The following GLIS3 variants were observed in gnomAD, a reference collection of about 807,000 sequenced individuals.
GLIS3 encodes the protein GLIS family zinc finger 3, also known as zinc finger protein GLIS3.
GLIS3 carries 53 observed loss-of-function variants against 78.6 expected under a neutral mutation model. The observed-to-expected ratio is 0.67, with a 90% CI of 0.54 to 0.85. The LOEUF is 0.85. Ranked by LOEUF, GLIS3 falls within the 40% of genes least tolerant of loss-of-function variation. The pLI, the probability that GLIS3 is intolerant of heterozygous loss-of-function variation, is 0.00. For missense variants in GLIS3, 1,703 were observed against 1,231.1 expected (o/e 1.38, Z -5.74); for synonymous variants, 684 against 509.9 (o/e 1.34, Z -4.60).
At chr9:4,351,396 CAA>C (rs5896064), upstream of GLIS3, among the ~76,000 whole-genome samples, 400 of 113,374 alleles carry the variant, frequency 3.5e-3, 1 homozygote, top group East Asian at 0.015. Flanking sequence ...CAGAGTGTCT[CAA>C]AAAAAAAAAA....
intron 2 of GLIS3, among the ~76,000 whole-genome samples, chr9:4,274,347 T>C (rs1000072048): frequency 9.9e-5 from 15 of 152,128 alleles, no homozygotes; most frequent in African/African-American, 3.6e-4. Context: ...TCTGGACTTG[T>C]TGGGGTGTTT....
rs1202178137 is a variant in GLIS3 at position 3,824,550 on chromosome 9, A to T, written c.*3722T>A. The T allele has an allele frequency of 1.3e-5, 2 of 152,362 alleles. No homozygotes were observed. The highest frequency in any genetic ancestry group is 4.8e-5 in the African/African-American group (2 of 41,468). 9.4% of individuals were successfully genotyped at this position (152,362 alleles called of 1,614,324 possible). A position where few individuals can be genotyped will look rare whatever the true frequency, so the allele number is the denominator to read the frequency against. On this transcript the variant is annotated 3_prime_UTR_variant, in exon 11 of 11. Coordinates refer to ENST00000381971, the MANE Select transcript of GLIS3 (RefSeq NM_001042413.2). ...ACTTTTGACATAAAAAAAGGACTTC[A>T]TGAACAAGACAAAATAACTTATGAT... is the stretch of plus-strand genomic sequence containing the variant.
chr9:4,489,895 C>T, the GLIS3 span, among the ~76,000 whole-genome samples: 3 of 152,238 alleles, frequency 2.0e-5, no homozygotes, highest in Non-Finnish European at 4.4e-5. Context: ...AGAATAATCC[C>T]TGTGGGGGCA....
At chr9:3,880,160 A>G (rs1423852323) in intron 7 of GLIS3, among the ~76,000 whole-genome samples, 1 of 152,110 alleles carries the variant, frequency 6.6e-6, no homozygotes, top group African/African-American at 2.4e-5. Context: ...AACCCAGGGA[A>G]TTTTCCTGAT....
At chr9:3,982,910 C>A (rs2129637661) in intron 4 of GLIS3, among the ~76,000 whole-genome samples, 1 of 152,232 alleles carries the variant, frequency 6.6e-6, no homozygotes, top group South Asian at 2.1e-4. Flanking sequence ...ACAAATGAAG[C>A]CATAATTCCT....
intron 4 of GLIS3, among the ~76,000 whole-genome samples, chr9:3,983,034 T>C (rs1819430427): frequency 6.6e-6 from 1 of 152,188 alleles, no homozygotes; most frequent in African/African-American, 2.4e-5. Flanking sequence ...TGGAGCTTGA[T>C]GTGGTTGGCT....
chr9:3,872,598 G>A (rs1325485911), intron 8 of GLIS3, among the ~76,000 whole-genome samples: 1 of 152,196 alleles, frequency 6.6e-6, no homozygotes, highest in Non-Finnish European at 1.5e-5. Flanking sequence ...CAGATCTCAT[G>A]AGACTTATGC....
At chr9:4,169,548 G>A (rs1165891831) in intron 2 of GLIS3, among the ~76,000 whole-genome samples, 1 of 152,154 alleles carries the variant, frequency 6.6e-6, no homozygotes, top group Non-Finnish European at 1.5e-5. Flanking sequence ...GGGAAAATTG[G>A]TGAACTCTCT....
In GLIS3 at chr9:4,123,562, ACTTT is replaced by A. The variant is rs1832346840; in HGVS notation, c.596+2168_596+2171del. The A allele has an allele frequency of 9.7e-6, 3 of 308,670 alleles. No homozygotes were observed. In the South Asian group the frequency reaches 4.7e-4, roughly 49 times the overall value. The allele number at this position is 308,670 out of a possible 1,614,324, so 19.1% of individuals were successfully genotyped here. A position where few individuals can be genotyped will look rare whatever the true frequency, so the allele number is the denominator to read the frequency against. ...TTTAAAATTATAATTTTATTTATACACTTTCTTTATAAAGTGGAATCCTGGACAG... is the reference window on the plus strand; with the variant it reads ...TTTAAAATTATAATTTTATTTATACACTTTATAAAGTGGAATCCTGGACAG... On this transcript the variant is annotated intron_variant, in intron 3 of 10. Transcript: ENST00000381971.
chr9:4,202,677 C>T (rs948550010), intron 2 of GLIS3, among the ~76,000 whole-genome samples: 2 of 152,024 alleles, frequency 1.3e-5, no homozygotes, highest in Non-Finnish European at 1.5e-5. Context: ...AACCTGTAAC[C>T]ATCAGATCTT....
At chr9:4,369,486 A>G in the GLIS3 span, among the ~76,000 whole-genome samples, 1 of 152,198 alleles carries the variant, frequency 6.6e-6, no homozygotes, top group African/African-American at 2.4e-5. Flanking sequence ...TTCTACCTGT[A>G]AGTTCCACCA....
At chr9:4,319,745 G>A (rs905151252) in intron 2 of GLIS3, among the ~76,000 whole-genome samples, 3 of 152,054 alleles carry the variant, frequency 2.0e-5, no homozygotes, top group East Asian at 3.9e-4. Context: ...GCCCAGGATG[G>A]TTTTGAACTC....
At chr9:4,127,863 C>T (rs1253003869) in intron 2 of GLIS3, among the ~76,000 whole-genome samples, 1 of 152,194 alleles carries the variant, frequency 6.6e-6, no homozygotes, top group Non-Finnish European at 1.5e-5. Flanking sequence ...TAATATCTAT[C>T]TACCTCTAAA....
chr9:3,844,166 G>GT (rs1360033888), intron 9 of GLIS3, among the ~76,000 whole-genome samples: 1 of 152,116 alleles, frequency 6.6e-6, no homozygotes, highest in Non-Finnish European at 1.5e-5. Context: ...GCATTCTATT[G>GT]TTTTTGTTGT....
At chr9:3,887,467 G>C (rs1822159342) in intron 7 of GLIS3, among the ~76,000 whole-genome samples, 1 of 152,292 alleles carries the variant, frequency 6.6e-6, no homozygotes, top group Non-Finnish European at 1.5e-5. Flanking sequence ...CTATTCTCTA[G>C]GGAACAGAAA....
At chr9:3,940,760 T>TG (rs1815829010) in intron 4 of GLIS3, among the ~76,000 whole-genome samples, 1 of 152,074 alleles carries the variant, frequency 6.6e-6, no homozygotes, top group Non-Finnish European at 1.5e-5. Context: ...AAAAGGGGCG[T>TG]GGTGTGCAAT....
At chr9:4,374,303 C>T in the GLIS3 span, among the ~76,000 whole-genome samples, 2 of 152,202 alleles carry the variant, frequency 1.3e-5, no homozygotes, top group Non-Finnish European at 2.9e-5. Context: ...ATATCTTACT[C>T]CCTGCTTTAT....
chr9:4,296,922 A>G (rs1022130988), intron 1 of GLIS3, among the ~76,000 whole-genome samples: 8 of 146,114 alleles, frequency 5.5e-5, no homozygotes, highest in African/African-American at 2.1e-4. Flanking sequence ...AAAAAAAAAA[A>G]AAAAATGCAT....
chr9:4,432,199 G>C, the GLIS3 span, among the ~76,000 whole-genome samples: 1 of 151,388 alleles, frequency 6.6e-6, no homozygotes, highest in Admixed American at 6.6e-5. Flanking sequence ...AAAGTGCCTC[G>C]TACAAAGGTC....
Sources: gnomAD v4.1 joint callset for allele counts (sites outside exome capture counted in the v4.1 genomes callset) on GRCh38, gnomAD v4.1.1 for gene constraint, MANE v1.5 for transcripts, NCBI Gene and HGNC (gene_info 2026-07-23, HGNC 2026-07-21) for gene names.